The following SELP variants were observed in gnomAD, a reference collection of about 807,000 sequenced individuals.
SELP encodes selectin P, also known as P-selectin.
SELP carries 92 observed loss-of-function variants against 104.1 expected under a neutral mutation model. The observed-to-expected ratio is 0.88, with a 90% CI of 0.75 to 1.05. The LOEUF is 1.05. SELP is among the 50% of genes least tolerant of loss of function. The pLI is 0.00. For missense variants in SELP, 1,022 were observed against 1,017.3 expected, an observed-to-expected ratio of 1.00 and a Z score of -0.06; for synonymous variants, 397 against 364.5, an observed-to-expected ratio of 1.09 and a Z score of -1.01.
intron 9 of SELP, among the ~76,000 whole-genome samples, chr1:169,605,414 T>G (rs1228138021): frequency 7.2e-6 from 1 of 138,772 alleles, no homozygotes; most frequent in Non-Finnish European, 1.5e-5. Flanking sequence ...GCTTGTCCAT[T>G]TGTTCATTCA....
At chr1:169,591,233 A>G (rs3917840) in intron 15 of SELP, among the ~76,000 whole-genome samples, 193 bp downstream of exon 15, 16,097 of 152,166 alleles carry the variant, frequency 0.11, 1,089 homozygotes, top group African/African-American at 0.18. Flanking sequence ...ATTACTTTTC[A>G]TTTTATTCCT....
In SELP at chr1:169,595,980, G is replaced by T. The variant is rs372060200; in HGVS notation, c.2046C>A (p.Ser682Arg). 1 of 1,613,906 alleles carries T rather than the reference G, an allele frequency of 6.2e-7. No homozygotes were observed. Among genetic ancestry groups the T allele is most frequent in the African/African-American group, 1.3e-5 (1 of 75,016 alleles). Residue 682 changes from serine to arginine, a missense_variant, in exon 12 of 17, where the codon AGC becomes AGA. Physicochemically the swap from Ser to Arg is moderately radical, Grantham distance 110. Coordinates refer to ENST00000263686, the MANE Select transcript of SELP (RefSeq NM_003005.4). ...CNAGFTLIGD[S>R]TLSCRPSGQW... ...GTCCTGAAGGTCTGCAGCTGAGAGT[G>T]CTGTCTCCTATGAGTGTGAATCCAG...
intron 1 of SELP, among the ~76,000 whole-genome samples, chr1:169,624,812 G>A (rs1028748645): frequency 1.3e-5 from 2 of 152,124 alleles, no homozygotes; most frequent in African/African-American, 4.8e-5. Flanking sequence ...AGAGAAAGTG[G>A]AAGAAGCAAA....
chr1:169,609,171 G>A (rs1287725896), intron 8 of SELP, among the ~76,000 whole-genome samples: 2 of 152,102 alleles, frequency 1.3e-5, no homozygotes, highest in African/African-American at 4.8e-5. Context: ...GAAGTGACAG[G>A]ACTGAGCTAA....
chr1:169,591,497 A>G, intron 14 of SELP, 41 bp from the exon 15 acceptor site: 2 of 1,485,020 alleles, frequency 1.3e-6, no homozygotes, highest in Non-Finnish European at 9.2e-7. Context: ...ATTAAAAAAA[A>G]AAAACAAGAT....
At chr1:169,600,901 G>T (rs764950481) in intron 10 of SELP, among the ~76,000 whole-genome samples, 1 of 152,194 alleles carries the variant, frequency 6.6e-6, no homozygotes, top group Non-Finnish European at 1.5e-5. Flanking sequence ...TAAAGCTGCT[G>T]TTCATGGTCA....
chr1:169,602,013 C>T (rs1661932749), intron 10 of SELP, among the ~76,000 whole-genome samples: 2 of 152,062 alleles, frequency 1.3e-5, no homozygotes, highest in African/African-American at 4.8e-5. Flanking sequence ...TATTTTAGAA[C>T]ATAAAATATA....
intron 6 of SELP, 112 bp from the exon 7 acceptor site, chr1:169,611,789 A>C: frequency 9.9e-7 from 1 of 1,012,718 alleles, no homozygotes; most frequent in Non-Finnish European, 1.5e-6. Flanking sequence ...CAAGATGTAA[A>C]GGTCAAGAGA....
At chr1:169,620,748 T>C (rs1663057520) in intron 1 of SELP, among the ~76,000 whole-genome samples, 1 of 151,598 alleles carries the variant, frequency 6.6e-6, no homozygotes, top group South Asian at 2.1e-4. Context: ...TGTTCGTGTG[T>C]CATGCCCCAG....
At position 169,590,217 on chromosome 1, in the gene SELP, C is replaced by T. The variant is rs1232594596; in HGVS notation, c.2439-15G>A. ...TTCCTAGGTGGCTAAAGAACAGAAA[C>T]ACAAGGATGGCAACAATATACTGCT... is the stretch of plus-strand genomic sequence containing the variant. On this transcript the variant is annotated splice_polypyrimidine_tract_variant and intron_variant, in intron 15 of 16. Coordinates refer to ENST00000263686, the MANE Select transcript of SELP (RefSeq NM_003005.4). 1.9e-6 allele frequency: 3 copies of T among 1,606,954 alleles called. No individual in the cohort carries two copies. In the Admixed American group the frequency reaches 5.0e-5, roughly 27 times the overall value.
chr1:169,591,456 T>C lies in SELP; in HGVS notation c.2408A>G (p.Asp803Gly), dbSNP rs1054785353. The change falls in exon 15 of 17, where the codon GAT becomes GGT. Residue 803 changes from aspartate (D) to glycine (G), a missense_variant and splice_region_variant. Transcript: ENST00000263686. ...ALLRKRFRQK[D>G]DGKCPLNPHS... ...AGGATTCAAGGGGCATTTCCCATCA[T>C]CTAAAATCAGCAAGAAGACAAGAAT... The C allele has an allele frequency of 6.4e-7, 1 of 1,568,936 alleles. No homozygotes were observed. The highest frequency in any genetic ancestry group is 1.4e-5 in the African/African-American group (1 of 71,286).
intron 3 of SELP, among the ~76,000 whole-genome samples, chr1:169,614,837 G>T (rs113347862): frequency 6.6e-6 from 1 of 152,206 alleles, no homozygotes; most frequent in Non-Finnish European, 1.5e-5. Flanking sequence ...GGAGGCAATA[G>T]CAGCTAAATG....
Position 169,603,305 on chromosome 1 carries a change from CTCTGTG to C in SELP, c.1520-100_1520-95del, listed in dbSNP as rs879123892. 9.2e-3 allele frequency: 5,911 copies of C among 644,738 alleles called. 13 individuals are homozygous for C. Among genetic ancestry groups the C allele is most frequent in the Non-Finnish European group, 0.011 (4,630 of 417,956 alleles). The allele number at this position is 644,738 out of a possible 1,614,324, so 39.9% of individuals were successfully genotyped here. A position where few individuals can be genotyped will look rare whatever the true frequency, so the allele number is the denominator to read the frequency against. ...TCTCTCTCTCTTTCTCCCTCTCTCT[CTCTGTG>C]TGTGTGTGTGTGTGTGTGTGTGTGT... On this transcript the variant is annotated intron_variant, in intron 9 of 16. Transcript: ENST00000263686.
intron 10 of SELP, among the ~76,000 whole-genome samples, chr1:169,602,542 A>C (rs1661960693): frequency 6.6e-6 from 1 of 152,170 alleles, no homozygotes; most frequent in Non-Finnish European, 1.5e-5. Context: ...ATGAGATGAT[A>C]CTGCCTTTCC....
intron 1 of SELP, among the ~76,000 whole-genome samples, chr1:169,625,352 G>T (rs971257009): frequency 6.6e-6 from 1 of 152,136 alleles, no homozygotes; most frequent in Non-Finnish European, 1.5e-5. Context: ...CCTTGCAGAG[G>T]TAAGTGTTTC....
At chr1:169,594,669 C>T (rs1457514820) in intron 13 of SELP, 23 bp downstream of exon 13, 1 of 1,608,448 alleles carries the variant, frequency 6.2e-7, no homozygotes, top group East Asian at 2.2e-5. Context: ...AAAGTGACTT[C>T]TTAACCCACA....
chr1:169,619,973 T>G (rs1383079327), intron 1 of SELP, among the ~76,000 whole-genome samples: 1 of 151,662 alleles, frequency 6.6e-6, no homozygotes, highest in Non-Finnish European at 1.5e-5. Context: ...GAGGCTGAGG[T>G]GGGCGGATCA....
At chr1:169,619,416 G>A (rs1015604360) in intron 1 of SELP, among the ~76,000 whole-genome samples, 197 bp from the exon 2 acceptor site, 2 of 152,188 alleles carry the variant, frequency 1.3e-5, no homozygotes, top group African/African-American at 4.8e-5. Flanking sequence ...CTGTAGCAAG[G>A]CTGGGGACAG....
intron 7 of SELP, among the ~76,000 whole-genome samples, chr1:169,609,925 C>T (rs900377086): frequency 6.6e-6 from 1 of 152,028 alleles, no homozygotes; most frequent in African/African-American, 2.4e-5. Flanking sequence ...TTAGGAAGCC[C>T]TCCCTTCCCA....
Sources: allele counts gnomAD v4.1 joint callset (sites outside exome capture counted in the v4.1 genomes callset), GRCh38; gene constraint gnomAD v4.1.1; transcripts MANE v1.5; gene names NCBI Gene and HGNC (gene_info 2026-07-23, HGNC 2026-07-21).